The following RIT2 variants were observed in gnomAD, a reference collection of about 807,000 sequenced individuals.
RIT2 encodes the protein Ras like without CAAX 2.
In RIT2, 24 loss-of-function variants were observed where a neutral mutation model predicts 23.7. The observed-to-expected ratio is 1.01, with a 90% confidence interval of 0.73 to 1.43. The LOEUF (loss-of-function observed/expected upper bound fraction) is 1.43. RIT2 is among the 40% of genes most tolerant of loss of function. RIT2 has a pLI of 0.00. For synonymous variants in RIT2, 107 were observed against 91.1 expected, an observed-to-expected ratio of 1.17 and a Z score of -0.99; for missense variants, 236 against 266.9, an observed-to-expected ratio of 0.88 and a Z score of 0.81.
rs564442736 is a variant in RIT2, at chr18:43,113,112, T to C, written c.103+2305A>G. Among the ~76,000 whole-genome samples, 47 of 152,292 alleles carry C rather than the reference T, an allele frequency of 3.1e-4. 2 individuals are homozygous for C. The Middle Eastern group carries it at 0.024, about 77-fold the overall frequency. ...ATAAACCATGTATATTTTTAGCTCA[T>C]TTGAAAGCAAATATTTTAACCTTCA... On this transcript the variant is annotated intron_variant, in intron 1 of 4. Coordinates refer to ENST00000326695, the MANE Select transcript of RIT2 (RefSeq NM_002930.4).
At chr18:43,040,128 A>G (rs532103681) in intron 1 of RIT2, among the ~76,000 whole-genome samples, 1 of 152,292 alleles carries the variant, frequency 6.6e-6, no homozygotes, top group South Asian at 2.1e-4. Flanking sequence ...TAAAACACCT[A>G]TTGAGCATCT....
At chr18:43,012,439 C>A (rs1431075575) in intron 2 of RIT2, among the ~76,000 whole-genome samples, 1 of 151,610 alleles carries the variant, frequency 6.6e-6, no homozygotes, top group East Asian at 2.0e-4. Context: ...TAGTAGAGAT[C>A]ATTTATTCTG....
intron 4 of RIT2, among the ~76,000 whole-genome samples, chr18:42,842,933 C>T (rs1568010416): frequency 6.6e-6 from 1 of 152,062 alleles, no homozygotes; most frequent in South Asian, 2.1e-4. Context: ...GAGCTGAGGC[C>T]CAAAATTGTT....
rs574858761 is a variant in RIT2, at chr18:42,987,984, C to T, written c.161-13837G>A. 5.3e-5 allele frequency among the ~76,000 whole-genome samples: 8 copies of T among 152,244 alleles called. No individual in the cohort carries two copies. The South Asian group carries it at 1.7e-3, about 32-fold the overall frequency. On this transcript the variant is annotated intron_variant, in intron 2 of 4. Transcript: ENST00000326695. The stretch of plus-strand genomic sequence containing the variant: ...GCATGACCCAGACACCTTCCATTAG[C>T]CTCACCTCCAGCATTGAGGACCAAA...
At chr18:42,761,326 C>A (rs920883305) in intron 4 of RIT2, among the ~76,000 whole-genome samples, 1 of 152,112 alleles carries the variant, frequency 6.6e-6, no homozygotes, top group Non-Finnish European at 1.5e-5. Flanking sequence ...GTTTGTTGAT[C>A]TCTGAGACTA....
At chr18:43,012,078 A>G (rs571565463) in intron 2 of RIT2, among the ~76,000 whole-genome samples, 2 of 151,928 alleles carry the variant, frequency 1.3e-5, no homozygotes, top group African/African-American at 4.8e-5. Context: ...AGCATTAAGA[A>G]GAGTTCAGCT....
chr18:43,085,469 T>C (rs1047432354), intron 1 of RIT2, among the ~76,000 whole-genome samples: 15 of 152,154 alleles, frequency 9.9e-5, no homozygotes, highest in African/African-American at 3.4e-4. Context: ...TCTAACTTTG[T>C]ACCCTTTGCT....
chr18:42,798,379 T>C (rs1347692254), intron 4 of RIT2, among the ~76,000 whole-genome samples: 1 of 152,208 alleles, frequency 6.6e-6, no homozygotes, highest in Non-Finnish European at 1.5e-5. Flanking sequence ...TTGAAAGCAT[T>C]TCTGGCAAGC....
At chr18:42,779,192 G>C (rs914622087) in intron 4 of RIT2, among the ~76,000 whole-genome samples, 1 of 152,102 alleles carries the variant, frequency 6.6e-6, no homozygotes, top group Non-Finnish European at 1.5e-5. Context: ...CCTTTACTTA[G>C]AGGATTTATT....
At chr18:42,759,142 G>C (rs933465783) in intron 4 of RIT2, among the ~76,000 whole-genome samples, 9 of 152,050 alleles carry the variant, frequency 5.9e-5, no homozygotes, top group Non-Finnish European at 1.0e-4. Context: ...AATCCTAAAA[G>C]CAAAAGAATT....
chr18:42,869,710 C>T (rs2144061398), intron 4 of RIT2, among the ~76,000 whole-genome samples: 1 of 152,282 alleles, frequency 6.6e-6, no homozygotes, highest in South Asian at 2.1e-4. Context: ...ATTTGTCCCT[C>T]ATCTTACACA....
intron 4 of RIT2, among the ~76,000 whole-genome samples, chr18:42,803,469 T>C (rs565158440): frequency 6.6e-6 from 1 of 152,352 alleles, no homozygotes; most frequent in South Asian, 2.1e-4. Flanking sequence ...TGTTTGTTGC[T>C]GGATACTATA....
At position 42,783,331 on chromosome 18, in the gene RIT2, A is replaced by G. The variant is rs145080574; in HGVS notation, c.427-39611T>C. On this transcript the variant is annotated intron_variant, in intron 4 of 4. Transcript: ENST00000326695. ...GGCAGAAAGTGGTGATGGAGAAATT[A>G]GGGCAAAGAGTAAAGCTATGGGAGA... 2.3e-4 allele frequency among the ~76,000 whole-genome samples: 35 copies of G among 152,172 alleles called. No homozygotes were observed. In the East Asian group the frequency reaches 6.2e-3, roughly 27 times the overall value.
chr18:43,006,259 A>G (rs1233253622), intron 2 of RIT2, among the ~76,000 whole-genome samples: 1 of 151,614 alleles, frequency 6.6e-6, no homozygotes, highest in African/African-American at 2.4e-5. Flanking sequence ...AAGTGTATAA[A>G]AAGTTAAAGC....
chr18:43,115,265 C>T (rs1598791374), intron 1 of RIT2, 152 bp downstream of exon 1: 1 of 913,412 alleles, frequency 1.1e-6, no homozygotes, highest in East Asian at 2.7e-5. Flanking sequence ...TTTAACAGTC[C>T]TGACACTTTG....
chr18:42,874,313 A>G (rs927685512), intron 4 of RIT2, among the ~76,000 whole-genome samples: 10 of 152,124 alleles, frequency 6.6e-5, no homozygotes, highest in Non-Finnish European at 1.3e-4. Context: ...AGCCTGCTTA[A>G]TATTGTAATT....
At chr18:42,748,753 G>C (rs1254119736) in intron 4 of RIT2, among the ~76,000 whole-genome samples, 3 of 151,870 alleles carry the variant, frequency 2.0e-5, no homozygotes, top group Non-Finnish European at 4.4e-5. Flanking sequence ...ATGGATTTTG[G>C]GGACTCAGGG....
intron 2 of RIT2, among the ~76,000 whole-genome samples, chr18:42,978,304 C>CTT (rs11333526): frequency 2.5e-4 from 36 of 146,894 alleles, no homozygotes; most frequent in Non-Finnish European, 3.9e-4. Flanking sequence ...TTATCCACGG[C>CTT]TTTTTTTTTT....
intron 3 of RIT2, among the ~76,000 whole-genome samples, chr18:42,932,311 T>C (rs1909346193): frequency 6.6e-6 from 1 of 152,146 alleles, no homozygotes; most frequent in Non-Finnish European, 1.5e-5. Flanking sequence ...GTCTCCCTTT[T>C]CCAATCAATC....
Sources: gnomAD v4.1 joint callset for allele counts (sites outside exome capture counted in the v4.1 genomes callset) on GRCh38, gnomAD v4.1.1 for gene constraint, MANE v1.5 for transcripts, NCBI Gene and HGNC (gene_info 2026-07-23, HGNC 2026-07-21) for gene names.